Variants in TIPIN observed in about 807,000 individuals in gnomAD.
TIPIN encodes TIMELESS interacting protein, also known as TIMELESS-interacting protein.
In TIPIN, 29 loss-of-function variants were observed where a neutral mutation model predicts 35.6. That is an observed-to-expected ratio of 0.82 (90% CI 0.61 to 1.11). TIPIN has a LOEUF of 1.11. Among genes scored for constraint, TIPIN ranks in the 50% most tolerant of loss-of-function variants. The pLI is 0.00. For missense variants in TIPIN, 296 were observed against 345.4 expected (o/e 0.86, Z 1.13); for synonymous variants, 102 against 121.5 (o/e 0.84, Z 1.06).
chr15:66,386,355 G>A (rs1296701791), intron 1 of TIPIN: 2 of 150,908 alleles, frequency 1.3e-5, no homozygotes, highest in African/African-American at 4.9e-5. Flanking sequence ...AAAAACTGTC[G>A]CAACAATTTA....
At chr15:66,376,308 T>A (rs1437064722) in intron 1 of TIPIN, among the ~76,000 whole-genome samples, 2 of 152,236 alleles carry the variant, frequency 1.3e-5, no homozygotes, top group African/African-American at 4.8e-5. Context: ...TTGTATGTCA[T>A]AATTTACTCT....
chr15:66,364,140 T>G (rs1157430726), intron 1 of TIPIN, among the ~76,000 whole-genome samples: 1 of 148,698 alleles, frequency 6.7e-6, no homozygotes, highest in African/African-American at 2.5e-5. Flanking sequence ...CAACATGCTA[T>G]AGAGAAATCT....
intron 1 of TIPIN, chr15:66,379,157 G>T: frequency 1.2e-6 from 1 of 814,842 alleles, no homozygotes; most frequent in Non-Finnish European, 1.8e-6. Context: ...CCAAAATGCT[G>T]GAATCACAGG....
At chr15:66,356,709 G>A, upstream of TIPIN, 2 of 985,490 alleles carry the variant, frequency 2.0e-6, no homozygotes. Context: ...GCGATACTCG[G>A]GAACTCCTGG....
upstream of TIPIN, among the ~76,000 whole-genome samples, chr15:66,361,572 A>AC (rs35534315): frequency 0.19 from 28,282 of 151,126 alleles, 3,395 homozygotes; most frequent in Middle Eastern, 0.29. Flanking sequence ...TAAAAAAAAA[A>AC]AAAAAAACAG....
At chr15:66,347,246 C>T (rs751147007) in intron 6 of TIPIN, 1 of 518,736 alleles carries the variant, frequency 1.9e-6, no homozygotes, top group Non-Finnish European at 3.8e-6. Context: ...GATAACTATA[C>T]AGACCCTGTC....
chr15:66,342,205 A>AAAAG (rs1555407161), intron 6 of TIPIN, among the ~76,000 whole-genome samples: 55 of 150,616 alleles, frequency 3.7e-4, no homozygotes, highest in African/African-American at 1.3e-3. Flanking sequence ...AAAAAAAAAA[A>AAAAG]AAAGAAAGAA....
chr15:66,366,905 G>A (rs1331961977), intron 1 of TIPIN: 1 of 985,170 alleles, frequency 1.0e-6, no homozygotes, highest in Non-Finnish European at 1.2e-6. Flanking sequence ...CCATTGGCTG[G>A]GCATGGTGGC....
At chr15:66,355,157 C>T (rs1419648532) in intron 1 of TIPIN, among the ~76,000 whole-genome samples, 2 of 151,412 alleles carry the variant, frequency 1.3e-5, no homozygotes, top group Admixed American at 1.3e-4. Context: ...CCTCAGCCTC[C>T]CGAATAGCTG....
chr15:66,384,944 C>T lies in TIPIN; in HGVS notation c.-9+1663G>A, dbSNP rs182637205. 4.4e-3 allele frequency among the ~76,000 whole-genome samples: 672 copies of T among 152,034 alleles called. 7 individuals are homozygous for T. Among genetic ancestry groups the T allele is most frequent in the African/African-American group, 0.015 (641 of 41,494 alleles). On this transcript the variant is annotated intron_variant, in intron 1 of 7. Transcript: ENST00000562124. ...AAAACAAAACAAAACAAAAACACCC[C>T]CCCAAAAAACAAAACAAAACAATGA... is the stretch of plus-strand genomic sequence containing the variant.
intron 1 of TIPIN, among the ~76,000 whole-genome samples, chr15:66,385,994 C>T (rs2093336442): frequency 6.6e-6 from 1 of 151,998 alleles, no homozygotes; most frequent in African/African-American, 2.4e-5. Flanking sequence ...TAGTCTCGAA[C>T]TCCTGGGCTC....
intron 6 of TIPIN, among the ~76,000 whole-genome samples, chr15:66,342,186 C>CAAAAAAAAAAAAAAAAAAAAAAAAAAAA (rs55711983): frequency 2.8e-5 from 3 of 108,518 alleles, no homozygotes; most frequent in African/African-American, 1.2e-4. Context: ...AAGACTGTCT[C>CAAAAAAAAAAAAAAAAAAAAAAAAAAAA]AAAAAAAAAA....
intron 4 of TIPIN, among the ~76,000 whole-genome samples, chr15:66,349,664 A>G (rs1032638181): frequency 3.3e-5 from 5 of 152,132 alleles, no homozygotes; most frequent in Non-Finnish European, 7.4e-5. Flanking sequence ...GGATCACTTG[A>G]GCTAAGGAGT....
chr15:66,348,374 C>CA (rs1401915969), intron 6 of TIPIN: 322 of 146,360 alleles, frequency 2.2e-3, no homozygotes, highest in Non-Finnish European at 3.6e-3. Context: ...GGCTAGTCTT[C>CA]AAAAAAAAAA....
At position 66,352,956 on chromosome 15, in the gene TIPIN, C is replaced by A. The variant is rs372447976; in HGVS notation, c.-8-1G>T. On this transcript the variant is annotated splice_acceptor_variant, in intron 1 of 7. Coordinates refer to ENST00000261881, the MANE Select transcript of TIPIN (RefSeq NM_017858.3). LOFTEE classifies it low-confidence loss of function (5UTR_SPLICE). ...TCCTGTGGTTCTAGCATCTTTTCCT[C>A]TAGGGGAAAAAATTAAAGTTATTTG... The A allele has an allele frequency of 6.2e-7, 1 of 1,608,874 alleles. No homozygotes were observed. Among genetic ancestry groups the A allele is most frequent in the Non-Finnish European group, 8.5e-7 (1 of 1,177,832 alleles).
In TIPIN at chr15:66,356,622, C is replaced by A. The variant is rs867604870; in HGVS notation, c.-9+17G>T. 1.9e-5 allele frequency: 19 copies of A among 976,118 alleles called. No homozygotes were observed. Among genetic ancestry groups the A allele is most frequent in the Admixed American group, 1.3e-4 (2 of 14,862 alleles). 60.5% of individuals were successfully genotyped at this position (976,118 alleles called of 1,614,324 possible). On this transcript the variant is annotated intron_variant, in intron 1 of 7. Transcript: ENST00000261881. ...TCTCCCCGCAAGAACTTCATTGGCC[C>A]GCCAGCCAGCTCTCACCTCACGCAG...
chr15:66,375,945 A>T (rs900430673), intron 1 of TIPIN, among the ~76,000 whole-genome samples: 6 of 151,618 alleles, frequency 4.0e-5, no homozygotes, highest in African/African-American at 9.7e-5. Context: ...TACAAAAAAT[A>T]AAAAAATTAG....
intron 1 of TIPIN, among the ~76,000 whole-genome samples, chr15:66,381,564 G>A (rs1248412811): frequency 6.6e-6 from 1 of 152,074 alleles, no homozygotes; most frequent in East Asian, 1.9e-4. Flanking sequence ...TCATCATATG[G>A]GTGTGTCATA....
intron 1 of TIPIN, among the ~76,000 whole-genome samples, chr15:66,385,182 G>A (rs748111580): frequency 7.9e-5 from 12 of 152,112 alleles, no homozygotes; most frequent in Non-Finnish European, 1.6e-4. Flanking sequence ...TGGGCCCTAC[G>A]GCTAAGACTT....
Sources: allele counts gnomAD v4.1 joint callset (sites outside exome capture counted in the v4.1 genomes callset), GRCh38; gene constraint gnomAD v4.1.1; transcripts MANE v1.5; gene names NCBI Gene and HGNC (gene_info 2026-07-23, HGNC 2026-07-21).